MYH10: variants seen among roughly 807,000 people sequenced by gnomAD.
The protein encoded by MYH10 is myosin heavy chain 10, also known as myosin-10.
MYH10 carries 55 observed loss-of-function variants against 257.8 expected under a neutral mutation model. That is an observed-to-expected ratio of 0.21 (90% CI 0.17 to 0.27). The LOEUF (loss-of-function observed/expected upper bound fraction) is 0.27. Ranked by LOEUF, MYH10 falls within the 10% of genes least tolerant of loss-of-function variation. The pLI, the probability that MYH10 is intolerant of heterozygous loss-of-function variation, is 1.00. For missense variants in MYH10, 1,631 were observed against 2,500.6 expected, an observed-to-expected ratio of 0.65 and a Z score of 7.42; for synonymous variants, 854 against 921.7, an observed-to-expected ratio of 0.93 and a Z score of 1.33.
chr17:8,548,592 TGTATAA>T (rs1472965552), intron 10 of MYH10, 46 bp downstream of exon 10: 2 of 1,585,192 alleles, frequency 1.3e-6, no homozygotes. Context: ...TTACCCCAGA[TGTATAA>T]GTCTTAGGAA....
Position 8,542,101 on chromosome 17 carries a change from T to A in MYH10, c.1605+6A>T. 3 of 1,611,162 alleles carry A rather than the reference T, an allele frequency of 1.9e-6. No individual in the cohort carries two copies. Among genetic ancestry groups the A allele is most frequent in the Non-Finnish European group, 2.5e-6 (3 of 1,178,400 alleles). ...TGAAAGACAGCGAGCAAGTGAGCACTCTTACAGGTCTCTCTATTAGGTCGA... is the reference window on the plus strand; with the variant it reads ...TGAAAGACAGCGAGCAAGTGAGCACACTTACAGGTCTCTCTATTAGGTCGA... On this transcript the variant is annotated splice_donor_region_variant and intron_variant, in intron 14 of 42. Transcript: ENST00000360416.
chr17:8,604,560 A>C (rs2084728213), intron 3 of MYH10, among the ~76,000 whole-genome samples: 1 of 152,218 alleles, frequency 6.6e-6, no homozygotes, highest in Admixed American at 6.5e-5. Context: ...GGTGGGAATC[A>C]AATGTATATG....
intron 35 of MYH10, among the ~76,000 whole-genome samples, chr17:8,488,788 C>T (rs1007367115): frequency 2.0e-5 from 3 of 152,138 alleles, no homozygotes; most frequent in South Asian, 2.1e-4. Flanking sequence ...CAGAGGTGCT[C>T]GTCATCTGCT....
intron 4 of MYH10, among the ~76,000 whole-genome samples, chr17:8,580,118 C>T (rs2083646805): frequency 6.6e-6 from 1 of 151,742 alleles, no homozygotes; most frequent in South Asian, 2.1e-4. Flanking sequence ...CAGAGCGAGA[C>T]TTCACCTGAA....
rs774314307 is a variant in MYH10 at position 8,589,156 on chromosome 17, C to T, written c.503-48G>A. Reference sequence around the variant, plus strand: ...CAAAAAAAAGAAAGTGACCATTTGCCTGGTTTTAAAATATTTGATATAATA... The same window carrying T: ...CAAAAAAAAGAAAGTGACCATTTGCTTGGTTTTAAAATATTTGATATAATA... On this transcript the variant is annotated intron_variant, in intron 3 of 42. Transcript: ENST00000360416. 3.1e-6 allele frequency: 5 copies of T among 1,589,338 alleles called. No homozygotes were observed. The South Asian group carries it at 5.6e-5, about 18-fold the overall frequency.
At chr17:8,605,960 G>A (rs1017624235) in intron 2 of MYH10, among the ~76,000 whole-genome samples, 29 of 151,398 alleles carry the variant, frequency 1.9e-4, no homozygotes, top group African/African-American at 7.0e-4. Flanking sequence ...ATTTTTTTTT[G>A]TTTTGGAAAA....
Position 8,604,811 on chromosome 17 carries a change from A to C in MYH10, c.502+15T>G. ...AGAAATTCTGAGCATTTAGTATTCA[A>C]ATATTTCCAATTACCTTGAAGCATG... is the stretch of plus-strand genomic sequence containing the variant. On this transcript the variant is annotated intron_variant, in intron 3 of 42. Coordinates refer to ENST00000360416, the MANE Select transcript of MYH10 (RefSeq NM_001256012.3). 6.9e-7 allele frequency: 1 copy of C among 1,452,946 alleles called. No homozygotes were observed. Among genetic ancestry groups the C allele is most frequent in the Non-Finnish European group, 9.1e-7 (1 of 1,093,864 alleles). 90.0% of individuals were successfully genotyped at this position (1,452,946 alleles called of 1,614,324 possible).
At chr17:8,576,999 C>CA (rs2083523392) in intron 5 of MYH10, among the ~76,000 whole-genome samples, 1 of 152,174 alleles carries the variant, frequency 6.6e-6, no homozygotes, top group African/African-American at 2.4e-5. Flanking sequence ...AGAAATTAGG[C>CA]ATCAAGCCAC....
At chr17:8,605,132 A>G (rs2084748664) in intron 2 of MYH10, 150 bp from the exon 3 acceptor site, 9 of 456,538 alleles carry the variant, frequency 2.0e-5, no homozygotes, top group Non-Finnish European at 3.4e-5. Context: ...AACTTAGCCT[A>G]TAATGGGCAA....
chr17:8,510,716 A>G (rs1450106533), intron 24 of MYH10, among the ~76,000 whole-genome samples: 1 of 152,188 alleles, frequency 6.6e-6, no homozygotes, highest in Non-Finnish European at 1.5e-5. Flanking sequence ...GAATCCAACT[A>G]TATACATGTT....
rs1382703724 is a variant in MYH10, at chr17:8,504,024, C to G, written c.3599+670G>C. On this transcript the variant is annotated intron_variant, in intron 28 of 42. Transcript: ENST00000360416. The surrounding 1 kb of genome is among the most constrained non-coding windows in gnomAD (Gnocchi z 5.6). The stretch of plus-strand genomic sequence containing the variant: ...GTCCGTGGGAGCCGCAGGCCAGCAC[C>G]TCCAGGCCTGCGTACCGGCTCACTG... Among the ~76,000 whole-genome samples, 3 of 152,202 alleles carry G rather than the reference C, an allele frequency of 2.0e-5. No homozygotes were observed. The East Asian group carries it at 5.8e-4, about 29-fold the overall frequency.
At chr17:8,540,121 C>T (rs1191846129) in intron 14 of MYH10, among the ~76,000 whole-genome samples, 1 of 152,184 alleles carries the variant, frequency 6.6e-6, no homozygotes, top group African/African-American at 2.4e-5. Flanking sequence ...TCCTGAGTAG[C>T]CGAGACTACA....
intron 21 of MYH10, among the ~76,000 whole-genome samples, chr17:8,518,201 T>C (rs928742329): frequency 1.3e-5 from 2 of 151,648 alleles, no homozygotes; most frequent in Non-Finnish European, 2.9e-5. Flanking sequence ...GGTACCATCT[T>C]GGCTTATTGC....
At chr17:8,597,799 T>C (rs968144711) in intron 3 of MYH10, among the ~76,000 whole-genome samples, 6 of 151,936 alleles carry the variant, frequency 3.9e-5, no homozygotes, top group East Asian at 3.9e-4. Flanking sequence ...TTTGTATTTT[T>C]AGTAGAGACG....
intron 16 of MYH10, among the ~76,000 whole-genome samples, chr17:8,530,926 ATATGAT>A (rs2081988156): frequency 6.6e-6 from 1 of 152,364 alleles, no homozygotes; most frequent in African/African-American, 2.4e-5. Flanking sequence ...TGTGAGCATT[ATATGAT>A]ATCAATGTCA....
chr17:8,547,438 G>T (rs1407449230), intron 11 of MYH10, among the ~76,000 whole-genome samples: 1 of 151,990 alleles, frequency 6.6e-6, no homozygotes, highest in Non-Finnish European at 1.5e-5. Flanking sequence ...CTAATAGGAG[G>T]TGCCACAGCT....
Position 8,552,176 on chromosome 17 carries a change from T to A in MYH10, c.821-32A>T. 8.3e-7 allele frequency: 1 copy of A among 1,206,906 alleles called. No homozygotes were observed. The highest frequency in any genetic ancestry group is 1.1e-6 in the Non-Finnish European group (1 of 881,300). The allele number at this position is 1,206,906 out of a possible 1,614,324, so 74.8% of individuals were successfully genotyped here. A position where few individuals can be genotyped will look rare whatever the true frequency, so the allele number is the denominator to read the frequency against. On this transcript the variant is annotated intron_variant, in intron 8 of 42. Transcript: ENST00000360416. This position sits in a 1 kb window ranked among gnomAD's most constrained non-coding sequence, Gnocchi z 4.8. ...AAAGACAGTTAAGAATTAAATTATTTAATATAATTCTTAAATAAATAAAGG... is the reference window on the plus strand; with the variant it reads ...AAAGACAGTTAAGAATTAAATTATTAAATATAATTCTTAAATAAATAAAGG...
intron 7 of MYH10, chr17:8,560,985 T>A: frequency 2.0e-6 from 1 of 502,682 alleles, no homozygotes; most frequent in Non-Finnish European, 3.6e-6. Flanking sequence ...TTGTGTTTGA[T>A]CTTAACCACC....
intron 4 of MYH10, among the ~76,000 whole-genome samples, chr17:8,579,641 C>A (rs1173442767): frequency 6.6e-6 from 1 of 152,132 alleles, no homozygotes; most frequent in African/African-American, 2.4e-5. Context: ...TCTGATTTGC[C>A]ACCCACAAGT....
Sources: gnomAD v4.1 joint callset for allele counts (sites outside exome capture counted in the v4.1 genomes callset) on GRCh38, gnomAD v4.1.1 for gene constraint, Gnocchi (gnomAD v3.1) non-coding constraint, MANE v1.5 for transcripts, NCBI Gene and HGNC (gene_info 2026-07-23, HGNC 2026-07-21) for gene names.